Variants in BCR observed in about 807,000 individuals in gnomAD.
The protein encoded by BCR is breakpoint cluster region protein.
In BCR, 58 loss-of-function variants were observed where a neutral mutation model predicts 138.6. That is an observed-to-expected ratio of 0.42 (90% CI 0.34 to 0.52). The LOEUF (loss-of-function observed/expected upper bound fraction) is 0.52, where lower values mean the gene tolerates loss of function less well. Among genes scored for constraint, BCR ranks in the 20% least tolerant of loss-of-function variants. The probability of loss-of-function intolerance (pLI) is 0.06; values close to 1 mark genes in which losing one functional copy is unlikely to be tolerated. For synonymous variants in BCR, 786 were observed against 730.1 expected, an observed-to-expected ratio of 1.08 and a Z score of -1.23; for missense variants, 1,599 against 1,727.2, an observed-to-expected ratio of 0.93 and a Z score of 1.32.
At chr22:23,242,998 C>A (rs1602056333) in intron 1 of BCR, 1 of 403,514 alleles carries the variant, frequency 2.5e-6, no homozygotes, top group East Asian at 7.5e-5. Flanking sequence ...ATGCCTGTGT[C>A]TTCTGTCTCT....
intron 1 of BCR, among the ~76,000 whole-genome samples, chr22:23,221,798 G>C (rs997120654): frequency 6.6e-6 from 1 of 152,156 alleles, no homozygotes; most frequent in Non-Finnish European, 1.5e-5. Context: ...TTTGTTATGA[G>C]AAGTGACAGC....
At chr22:23,243,477 A>T (rs2073120729) in intron 1 of BCR, among the ~76,000 whole-genome samples, 2 of 152,152 alleles carry the variant, frequency 1.3e-5, no homozygotes, top group South Asian at 4.2e-4. Context: ...ACGTTGGTGA[A>T]CACATGAAGG....
chr22:23,305,065 G>C (rs910019823), intron 16 of BCR, among the ~76,000 whole-genome samples: 1 of 151,178 alleles, frequency 6.6e-6, no homozygotes, highest in Non-Finnish European at 1.5e-5. Flanking sequence ...AGTCAGCCGA[G>C]ATCTCGCCAC....
intron 5 of BCR, among the ~76,000 whole-genome samples, chr22:23,269,009 G>T (rs771477417): frequency 6.6e-6 from 1 of 152,350 alleles, no homozygotes. Flanking sequence ...GGAGCAAAGC[G>T]ACAGGTTGGA....
chr22:23,289,768 G>A (rs778510712), intron 13 of BCR, 147 bp downstream of exon 13: 12 of 719,628 alleles, frequency 1.7e-5, no homozygotes, highest in Non-Finnish European at 2.6e-5. Flanking sequence ...AGGGCCTCTT[G>A]TCTCCTCCCA....
At chr22:23,187,800 A>G (rs957310970) in intron 1 of BCR, among the ~76,000 whole-genome samples, 5 of 152,182 alleles carry the variant, frequency 3.3e-5, no homozygotes, top group African/African-American at 1.2e-4. Flanking sequence ...GGTCTGAGGA[A>G]TTCTTGATTC....
intron 1 of BCR, chr22:23,242,913 G>C (rs1480081281): frequency 2.2e-6 from 1 of 455,658 alleles, no homozygotes; most frequent in Non-Finnish European, 4.4e-6. Flanking sequence ...CCCAGCATCT[G>C]ATGGCCCACG....
At chr22:23,305,570 C>G (rs2073947457) in intron 16 of BCR, among the ~76,000 whole-genome samples, 1 of 152,232 alleles carries the variant, frequency 6.6e-6, no homozygotes, top group Non-Finnish European at 1.5e-5. Context: ...CACACAGCAC[C>G]TGCCCCAGTT....
chr22:23,200,505 C>G (rs543502986), intron 1 of BCR, among the ~76,000 whole-genome samples: 22 of 151,838 alleles, frequency 1.4e-4, no homozygotes, highest in Admixed American at 7.2e-4. Context: ...TTTGTAGAGA[C>G]AAGGTTTCAC....
chr22:23,277,741 C>G lies in BCR; in HGVS notation c.2115+3967C>G, dbSNP rs188719389. Among the ~76,000 whole-genome samples, 312 of 152,300 alleles carry G rather than the reference C, an allele frequency of 2.0e-3. 3 individuals are homozygous for G. Among genetic ancestry groups the G allele is most frequent in the Non-Finnish European group, 3.5e-3 (238 of 68,024 alleles). On this transcript the variant is annotated intron_variant, in intron 8 of 22. Transcript: ENST00000305877. Reference sequence around the variant, plus strand: ...TGAGCCCTCTGCAGGGTCAGCCACCCCAGCCCCAGACCCCCACTGTGGCTC... The same window carrying G: ...TGAGCCCTCTGCAGGGTCAGCCACCGCAGCCCCAGACCCCCACTGTGGCTC...
chr22:23,295,030 G>A lies in BCR; in HGVS notation c.2887G>A (p.Glu963Lys). Residue 963 changes from glutamate (E) to lysine (K), a missense_variant, in exon 16 of 23, where the codon GAG becomes AAG. Glu to Lys is a moderately conservative substitution (Grantham distance 56). Transcript: ENST00000305877. ...TTCTCCCTTGGGGCTGCAGGAATTT[G>A]AGATAGAGCTGGAGGGCTCCCAGAC... ...TAEPNWNEEF[E>K]IELEGSQTLR... 6.2e-7 allele frequency: 1 copy of A among 1,613,998 alleles called. No homozygotes were observed. Among genetic ancestry groups the A allele is most frequent in the Non-Finnish European group, 8.5e-7 (1 of 1,179,934 alleles).
intron 1 of BCR, among the ~76,000 whole-genome samples, chr22:23,252,821 G>A (rs1329236177): frequency 2.6e-5 from 4 of 152,178 alleles, no homozygotes; most frequent in African/African-American, 9.7e-5. Context: ...GAACACTTAT[G>A]TGACCAAATG....
chr22:23,294,148 C>T (rs551927181), intron 15 of BCR, among the ~76,000 whole-genome samples: 17 of 152,256 alleles, frequency 1.1e-4, no homozygotes, highest in Admixed American at 7.8e-4. Flanking sequence ...CATGTACCTC[C>T]TGCCCCCCAT....
chr22:23,317,176 C>A lies in BCR; in HGVS notation c.*1654C>A, dbSNP rs543052698. 7.6e-5 allele frequency: 14 copies of A among 183,290 alleles called. No homozygotes were observed. The highest frequency in any genetic ancestry group is 1.4e-4 in the Admixed American group (2 of 14,512). The allele number at this position is 183,290 out of a possible 1,614,324, so 11.4% of individuals were successfully genotyped here. A position where few individuals can be genotyped will look rare whatever the true frequency, so the allele number is the denominator to read the frequency against. On this transcript the variant is annotated 3_prime_UTR_variant, in exon 23 of 23. Coordinates refer to ENST00000305877, the MANE Select transcript of BCR (RefSeq NM_004327.4). Reference sequence around the variant, plus strand: ...CTCACTAGGGAGCCTGACAGTGGGGCCATGCGCCTGACACTCCTCTCTGCT... The same window carrying A: ...CTCACTAGGGAGCCTGACAGTGGGGACATGCGCCTGACACTCCTCTCTGCT...
intron 1 of BCR, among the ~76,000 whole-genome samples, chr22:23,240,818 C>G (rs2073081553): frequency 1.3e-5 from 2 of 152,194 alleles, no homozygotes; most frequent in Admixed American, 6.5e-5. Flanking sequence ...TGAAACTCCA[C>G]TAAACGCTAA....
chr22:23,297,790 G>A (rs1602118774), intron 16 of BCR, among the ~76,000 whole-genome samples: 1 of 152,102 alleles, frequency 6.6e-6, no homozygotes, highest in East Asian at 1.9e-4. Context: ...CAGGACCTCT[G>A]AGTACTATTG....
At chr22:23,197,634 A>G (rs2072499395) in intron 1 of BCR, among the ~76,000 whole-genome samples, 1 of 152,140 alleles carries the variant, frequency 6.6e-6, no homozygotes. Flanking sequence ...GGGTCATCCT[A>G]TGTGGGTCTC....
At chr22:23,208,483 T>G (rs1394368576) in intron 1 of BCR, among the ~76,000 whole-genome samples, 2 of 152,168 alleles carry the variant, frequency 1.3e-5, no homozygotes, top group Non-Finnish European at 2.9e-5. Context: ...AATAACACAG[T>G]TCAGTGGTGT....
intron 1 of BCR, among the ~76,000 whole-genome samples, chr22:23,185,088 G>A (rs1232389475): frequency 6.6e-6 from 1 of 152,196 alleles, no homozygotes; most frequent in Non-Finnish European, 1.5e-5. Flanking sequence ...GTGACAAAGT[G>A]CTTCCCATAG....
Sources: allele counts gnomAD v4.1 joint callset (sites outside exome capture counted in the v4.1 genomes callset), GRCh38; gene constraint gnomAD v4.1.1; transcripts MANE v1.5; gene names NCBI Gene and HGNC (gene_info 2026-07-23, HGNC 2026-07-21).